ARHGAP10: variants seen among roughly 807,000 people sequenced by gnomAD.
ARHGAP10 encodes the protein Rho GTPase activating protein 10.
In ARHGAP10, 87 loss-of-function variants were observed where a neutral mutation model predicts 108.6. The ratio of observed to expected loss-of-function variants is 0.80; its 90% CI spans 0.67 to 0.96. The LOEUF (loss-of-function observed/expected upper bound fraction) is 0.96, where lower values mean the gene tolerates loss of function less well. Ranked by LOEUF, ARHGAP10 falls within the 40% of genes least tolerant of loss-of-function variation. ARHGAP10 has a pLI of 0.00. For synonymous variants in ARHGAP10, 347 were observed against 341.1 expected, an observed-to-expected ratio of 1.02 and a Z score of -0.19; for missense variants, 939 against 954.5, an observed-to-expected ratio of 0.98 and a Z score of 0.21.
In ARHGAP10 at chr4:148,023,245, T is replaced by C; in HGVS notation, c.1717-18T>C. ...TGTTCATGGTAAATAATTCCTGTCCTTTATGCTTTGTTGGAAGATTTTTCG... is the reference window on the plus strand; with the variant it reads ...TGTTCATGGTAAATAATTCCTGTCCCTTATGCTTTGTTGGAAGATTTTTCG... On this transcript the variant is annotated intron_variant, in intron 18 of 22. Transcript: ENST00000336498. The C allele has an allele frequency of 1.2e-6, 2 of 1,613,782 alleles. No homozygotes were observed. Among genetic ancestry groups the C allele is most frequent in the Non-Finnish European group, 8.5e-7 (1 of 1,179,756 alleles).
At chr4:147,775,986 C>A (rs1453862645) in intron 1 of ARHGAP10, among the ~76,000 whole-genome samples, 1 of 152,166 alleles carries the variant, frequency 6.6e-6, no homozygotes, top group African/African-American at 2.4e-5. Flanking sequence ...TGGCACCGAG[C>A]ACAAAGCCCA....
chr4:148,001,730 A>G (rs1206149260), intron 18 of ARHGAP10, among the ~76,000 whole-genome samples: 2 of 152,214 alleles, frequency 1.3e-5, no homozygotes, highest in East Asian at 3.9e-4. Flanking sequence ...TTATTGGTGT[A>G]TAAGAATGCT....
chr4:147,912,580 TATATATATATATATATATAA>T (rs1449617813), intron 12 of ARHGAP10, among the ~76,000 whole-genome samples: 1 of 126,590 alleles, frequency 7.9e-6, no homozygotes, highest in African/African-American at 3.1e-5. Flanking sequence ...TATATATATA[TATATATATATATATATATAA>T]AATTCCTGTG....
intron 11 of ARHGAP10, among the ~76,000 whole-genome samples, chr4:147,908,267 C>T (rs1736583072): frequency 6.6e-6 from 1 of 152,172 alleles, no homozygotes; most frequent in Non-Finnish European, 1.5e-5. Flanking sequence ...AAAGACAGCA[C>T]ACTCACTGGA....
chr4:147,843,590 G>A (rs1268899303), intron 3 of ARHGAP10, among the ~76,000 whole-genome samples: 1 of 151,982 alleles, frequency 6.6e-6, no homozygotes, highest in East Asian at 1.9e-4. Flanking sequence ...GCAGTGGCAC[G>A]ATCTCAGCTC....
At position 147,732,329 on chromosome 4, in the gene ARHGAP10, G is replaced by T; in HGVS notation, c.28G>T (p.Asp10Tyr). 6.2e-7 allele frequency: 1 copy of T among 1,612,892 alleles called. No individual in the cohort carries two copies. The highest frequency in any genetic ancestry group is 8.5e-7 in the Non-Finnish European group (1 of 1,179,428). ...GGGGCTGCAGCCCCTGGAGTTCAGC[G>T]ACTGCTACCTCGACAGCCCGTGGTT... MGLQPLEFS[D>Y]CYLDSPWFRE... Residue 10 changes from aspartate to tyrosine, a missense_variant, in exon 1 of 23, where the codon GAC becomes TAC. Coordinates refer to ENST00000336498, the MANE Select transcript of ARHGAP10 (RefSeq NM_024605.4).
At chr4:148,049,847 C>T (rs1033082323) in intron 20 of ARHGAP10, among the ~76,000 whole-genome samples, 4 of 13,248 alleles carry the variant, frequency 3.0e-4, no homozygotes, top group African/African-American at 9.0e-4. Context: ...GGGCGGGGGG[C>T]GGGGGGCGGG....
Position 147,792,936 on chromosome 4 carries a change from T to C in ARHGAP10, c.155-29791T>C, listed in dbSNP as rs910130711. Among the ~76,000 whole-genome samples the C allele has an allele frequency of 2.6e-5, 4 of 152,192 alleles. No individual in the cohort carries two copies. In the South Asian group the frequency reaches 8.3e-4, roughly 32 times the overall value. On this transcript the variant is annotated intron_variant, in intron 1 of 22. Coordinates refer to ENST00000336498, the MANE Select transcript of ARHGAP10 (RefSeq NM_024605.4). ...AGGCCGAGGCAGGCGGATCACTTGATGTCACCAGCCTGGCTAACATGGTGA... is the reference window on the plus strand; with the variant it reads ...AGGCCGAGGCAGGCGGATCACTTGACGTCACCAGCCTGGCTAACATGGTGA...
At chr4:147,878,722 T>C (rs1477958375) in intron 8 of ARHGAP10, among the ~76,000 whole-genome samples, 2 of 152,198 alleles carry the variant, frequency 1.3e-5, no homozygotes, top group East Asian at 1.9e-4. Flanking sequence ...CACTTCTGTC[T>C]TGCTAAATCT....
intron 1 of ARHGAP10, among the ~76,000 whole-genome samples, chr4:147,802,857 T>C (rs1354641394): frequency 6.6e-6 from 1 of 152,248 alleles, no homozygotes; most frequent in Non-Finnish European, 1.5e-5. Context: ...CCGGTATCCC[T>C]TCAAAATGTG....
intron 1 of ARHGAP10, among the ~76,000 whole-genome samples, chr4:147,786,474 C>G (rs1213665178): frequency 1.3e-5 from 2 of 152,066 alleles, no homozygotes. Context: ...GAAGGATTTT[C>G]TTTTTCCGCT....
intron 13 of ARHGAP10, among the ~76,000 whole-genome samples, chr4:147,936,311 T>G (rs1737931116): frequency 7.2e-6 from 1 of 138,566 alleles, no homozygotes; most frequent in African/African-American, 2.6e-5. Context: ...GGCCTCCTTT[T>G]CCTCTCTTTT....
At chr4:147,926,813 T>G (rs1339612393) in intron 13 of ARHGAP10, among the ~76,000 whole-genome samples, 1 of 152,142 alleles carries the variant, frequency 6.6e-6, no homozygotes, top group Non-Finnish European at 1.5e-5. Flanking sequence ...AAGTCAGCTG[T>G]GCCAAATACT....
intron 1 of ARHGAP10, among the ~76,000 whole-genome samples, chr4:147,813,087 C>T (rs886673929): frequency 6.6e-6 from 1 of 151,250 alleles, no homozygotes; most frequent in African/African-American, 2.4e-5. Flanking sequence ...CTCATGGACT[C>T]AGGTACTGCC....
intron 1 of ARHGAP10, among the ~76,000 whole-genome samples, chr4:147,759,579 C>T (rs1206842533): frequency 3.7e-5 from 2 of 53,876 alleles, no homozygotes; most frequent in Non-Finnish European, 5.6e-5. Context: ...AGTGATACAC[C>T]GCCCCCCCCC....
intron 1 of ARHGAP10, among the ~76,000 whole-genome samples, chr4:147,807,928 G>C (rs1731855259): frequency 6.6e-6 from 1 of 152,204 alleles, no homozygotes; most frequent in Admixed American, 6.5e-5. Flanking sequence ...TGGGTGTATA[G>C]GGGAAGAGAG....
intron 1 of ARHGAP10, among the ~76,000 whole-genome samples, chr4:147,775,135 G>T (rs920476882): frequency 1.3e-5 from 2 of 152,022 alleles, no homozygotes; most frequent in Non-Finnish European, 1.5e-5. Flanking sequence ...GGCTGGTCTT[G>T]AACTCCTGAC....
intron 13 of ARHGAP10, among the ~76,000 whole-genome samples, chr4:147,936,319 T>C (rs1026048059): frequency 8.6e-6 from 1 of 115,942 alleles, no homozygotes; most frequent in East Asian, 2.4e-4. Flanking sequence ...TTTCCTCTCT[T>C]TTTTTTTTTT....
In ARHGAP10 at chr4:147,955,331, T is replaced by G; in HGVS notation, c.1407T>G (p.Pro469=). 6.2e-7 allele frequency: 1 copy of G among 1,611,658 alleles called. No homozygotes were observed. The highest frequency in any genetic ancestry group is 8.5e-7 in the Non-Finnish European group (1 of 1,178,246). Residue 469 remains proline, a synonymous_variant, in exon 16 of 23, where the codon CCT becomes CCG. Transcript: ENST00000336498. The part of the protein sequence containing the change: ...LKQYLRSLPE[P]LMTYELHGDF... ...TTTCACACAGGAGTCTTCCAGAGCC[T>G]CTCATGACCTATGAGTTACATGGAG...
Sources: allele counts gnomAD v4.1 joint callset (sites outside exome capture counted in the v4.1 genomes callset), GRCh38; gene constraint gnomAD v4.1.1; transcripts MANE v1.5; gene names NCBI Gene and HGNC (gene_info 2026-07-23, HGNC 2026-07-21).